Variants in ADARB2 observed in about 807,000 individuals in gnomAD.
The protein encoded by ADARB2 is inactive double-stranded RNA-specific editase B2.
In ADARB2, 25 loss-of-function variants were observed where a neutral mutation model predicts 62.2. That is an observed-to-expected ratio of 0.40 (90% CI 0.29 to 0.56). The LOEUF (loss-of-function observed/expected upper bound fraction) is 0.56. Among genes scored for constraint, ADARB2 ranks in the 20% least tolerant of loss-of-function variants. The pLI is 0.43. For synonymous variants in ADARB2, 572 were observed against 500.8 expected (o/e 1.14, Z -1.90); for missense variants, 1,071 against 1,077.4 (o/e 0.99, Z 0.08).
intron 8 of ADARB2, among the ~76,000 whole-genome samples, chr10:1,190,942 A>G (rs1836834033): frequency 1.3e-5 from 2 of 152,226 alleles, no homozygotes; most frequent in African/African-American, 4.8e-5. Context: ...CGGAGTGAGC[A>G]GCGCTCTTCC....
chr10:1,594,357 C>A (rs995998891), intron 1 of ADARB2, among the ~76,000 whole-genome samples: 4 of 152,102 alleles, frequency 2.6e-5, no homozygotes, highest in Admixed American at 2.6e-4. Flanking sequence ...GACTGCCTCC[C>A]GGGGCGAGGT....
intron 1 of ADARB2, among the ~76,000 whole-genome samples, chr10:1,647,531 G>A (rs1834059236): frequency 1.3e-5 from 2 of 152,120 alleles, no homozygotes; most frequent in Admixed American, 6.5e-5. Context: ...GCATGCATGT[G>A]TGTTTATGTG....
At chr10:1,246,818 C>T (rs1390711246) in intron 4 of ADARB2, among the ~76,000 whole-genome samples, 26 of 151,156 alleles carry the variant, frequency 1.7e-4, no homozygotes, top group Non-Finnish European at 1.8e-4. Context: ...CTTGGTGATG[C>T]GGGCTCTTTT....
chr10:1,481,870 A>AG (rs964168385), intron 1 of ADARB2, among the ~76,000 whole-genome samples: 13 of 151,596 alleles, frequency 8.6e-5, no homozygotes, highest in African/African-American at 2.2e-4. Flanking sequence ...AAAAAAAAAA[A>AG]AGAGAATAGA....
chr10:1,418,887 T>C (rs3001049), intron 1 of ADARB2, among the ~76,000 whole-genome samples: 141,577 of 152,116 alleles, frequency 0.93, 65,973 homozygotes, highest in South Asian at 0.96. Context: ...TTTTCTGTTT[T>C]GTGCGTGCTG....
intron 6 of ADARB2, among the ~76,000 whole-genome samples, chr10:1,224,329 G>A (rs2131761551): frequency 6.6e-6 from 1 of 151,844 alleles, no homozygotes; most frequent in Admixed American, 6.6e-5. Context: ...TTCTTTATTA[G>A]TCTTGCTAGT....
intron 5 of ADARB2, 53 bp downstream of exon 5, chr10:1,242,078 C>T: frequency 6.6e-7 from 1 of 1,524,126 alleles, no homozygotes; most frequent in Non-Finnish European, 8.8e-7. Context: ...TGCTCCCTGG[C>T]AGCCCCCAGC....
chr10:1,672,023 C>G (rs1209195773), intron 1 of ADARB2, among the ~76,000 whole-genome samples: 2 of 146,322 alleles, frequency 1.4e-5, no homozygotes, highest in Non-Finnish European at 3.0e-5. Flanking sequence ...ACCCCATCCC[C>G]GAGAGTCAGT....
chr10:1,205,226 C>T (rs1837037030), intron 7 of ADARB2, among the ~76,000 whole-genome samples: 1 of 152,216 alleles, frequency 6.6e-6, no homozygotes, highest in South Asian at 2.1e-4. Context: ...AACCCCCGAG[C>T]TCAAAGGGAG....
At chr10:1,705,760 G>A (rs1448404220) in intron 1 of ADARB2, among the ~76,000 whole-genome samples, 2 of 152,174 alleles carry the variant, frequency 1.3e-5, no homozygotes, top group East Asian at 3.8e-4. Flanking sequence ...TGCTCTGAGG[G>A]TTCCAGGGAT....
chr10:1,294,770 T>C (rs991385898), intron 3 of ADARB2, among the ~76,000 whole-genome samples: 4 of 152,238 alleles, frequency 2.6e-5, no homozygotes, highest in African/African-American at 9.6e-5. Context: ...TCTCCCCTGA[T>C]GCCAGCCCTA....
rs563701473 is a variant in ADARB2, at chr10:1,736,935, C to T, written c.100+116G>A. The T allele has an allele frequency of 2.8e-6, 3 of 1,054,314 alleles. No individual in the cohort carries two copies. In the South Asian group the frequency reaches 4.3e-5, roughly 15 times the overall value. 65.3% of individuals were successfully genotyped at this position (1,054,314 alleles called of 1,614,324 possible). On this transcript the variant is annotated intron_variant, in intron 1 of 9. Coordinates refer to ENST00000381312, the MANE Select transcript of ADARB2 (RefSeq NM_018702.4). ...GCCCTGCACGGAGCAGCCATCCCGC[C>T]AGCACCCCAAAGTGAAGCTGCTCAC...
chr10:1,375,804 ACAC>A (rs1250878864), intron 2 of ADARB2, among the ~76,000 whole-genome samples: 1 of 119,330 alleles, frequency 8.4e-6, no homozygotes, highest in African/African-American at 2.7e-5. Flanking sequence ...ACGCACACAC[ACAC>A]CACACACATG....
chr10:1,212,569 C>T lies in ADARB2; in HGVS notation c.1682+4382G>A, dbSNP rs1341630182. Among the ~76,000 whole-genome samples the T allele has an allele frequency of 2.0e-5, 3 of 152,230 alleles. No individual in the cohort carries two copies. The South Asian group carries it at 6.2e-4, about 31-fold the overall frequency. On this transcript the variant is annotated intron_variant, in intron 7 of 9. Transcript: ENST00000381312. ...CCCCCTCCTGCTAAACCAACAAGGG[C>T]TGTTGACTGAGGGCCCCCGAGGGCC...
chr10:1,250,438 G>A (rs1350511144), intron 4 of ADARB2, among the ~76,000 whole-genome samples: 2 of 152,192 alleles, frequency 1.3e-5, no homozygotes, highest in Non-Finnish European at 2.9e-5. Context: ...AAATGGGTTC[G>A]TTCCTGTGAG....
intron 3 of ADARB2, among the ~76,000 whole-genome samples, chr10:1,339,501 C>A (rs1273878305): frequency 1.3e-5 from 2 of 152,218 alleles, no homozygotes; most frequent in African/African-American, 4.8e-5. Flanking sequence ...CTCTCACATC[C>A]CTACGTTTGC....
At chr10:1,186,805 G>C (rs1235158172) in intron 8 of ADARB2, among the ~76,000 whole-genome samples, 2 of 152,238 alleles carry the variant, frequency 1.3e-5, no homozygotes, top group African/African-American at 4.8e-5. Flanking sequence ...ATTGGTCTGA[G>C]AGCAAAGACC....
At chr10:1,190,466 G>A (rs541782721) in intron 8 of ADARB2, among the ~76,000 whole-genome samples, 2 of 152,358 alleles carry the variant, frequency 1.3e-5, no homozygotes, top group East Asian at 1.9e-4. Context: ...TTTGTAGGCT[G>A]TATTTGTTTT....
At chr10:1,320,681 A>G (rs1831787136) in intron 3 of ADARB2, among the ~76,000 whole-genome samples, 2 of 152,240 alleles carry the variant, frequency 1.3e-5, no homozygotes, top group African/African-American at 4.8e-5. Context: ...GAGAACAGCG[A>G]TGCTGAGATT....
Sources: gnomAD v4.1 joint callset for allele counts (sites outside exome capture counted in the v4.1 genomes callset) on GRCh38, gnomAD v4.1.1 for gene constraint, MANE v1.5 for transcripts, NCBI Gene and HGNC (gene_info 2026-07-23, HGNC 2026-07-21) for gene names.